Variants in LTBP1 observed in about 807,000 individuals in gnomAD.
The protein encoded by LTBP1 is latent transforming growth factor beta binding protein 1, also known as latent-transforming growth factor beta-binding protein 1.
In LTBP1, 129 loss-of-function variants were observed where a neutral mutation model predicts 207.6. That is an observed-to-expected ratio of 0.62 (90% CI 0.54 to 0.72). LTBP1 has a LOEUF of 0.72. Ranked by LOEUF, LTBP1 falls within the 30% of genes least tolerant of loss-of-function variation. The probability of loss-of-function intolerance (pLI) is 0.00; values close to 1 mark genes in which losing one functional copy is unlikely to be tolerated. For synonymous variants in LTBP1, 963 were observed against 833.7 expected, an observed-to-expected ratio of 1.16 and a Z score of -2.67; for missense variants, 2,281 against 2,217.2, an observed-to-expected ratio of 1.03 and a Z score of -0.58.
intron 5 of LTBP1, among the ~76,000 whole-genome samples, chr2:33,137,679 A>T (rs539523187): frequency 6.6e-6 from 1 of 151,046 alleles, no homozygotes; most frequent in Non-Finnish European, 1.5e-5. Context: ...CAACATTTGC[A>T]TGGTGATTTA....
chr2:33,193,783 T>A (rs1049910389), intron 7 of LTBP1, among the ~76,000 whole-genome samples: 3 of 152,164 alleles, frequency 2.0e-5, no homozygotes, highest in African/African-American at 7.2e-5. Context: ...CACAACCATA[T>A]AAGATGGCAA....
At chr2:33,171,410 G>A (rs1190786560) in intron 5 of LTBP1, among the ~76,000 whole-genome samples, 1 of 147,338 alleles carries the variant, frequency 6.8e-6, no homozygotes, top group Admixed American at 6.9e-5. Context: ...GGGTATCAGT[G>A]ATGGAAGATG....
chr2:33,390,389 T>G (rs2095305072), intron 32 of LTBP1, among the ~76,000 whole-genome samples: 2 of 152,066 alleles, frequency 1.3e-5, no homozygotes, highest in African/African-American at 4.8e-5. Flanking sequence ...TATTAGTAGA[T>G]AGTAGATAGT....
intron 2 of LTBP1, among the ~76,000 whole-genome samples, chr2:33,009,961 T>A (rs436882): frequency 1.1e-4 from 17 of 151,794 alleles, no homozygotes; most frequent in African/African-American, 3.9e-4. Flanking sequence ...GAATTAGATC[T>A]TCAGGAGAAG....
intron 3 of LTBP1, chr2:33,056,303 G>T: frequency 3.6e-6 from 3 of 834,630 alleles, no homozygotes; most frequent in Non-Finnish European, 5.1e-6. Flanking sequence ...AGACAAAACC[G>T]CCTGCAGTTT....
At chr2:33,138,072 C>A (rs1290268189) in intron 5 of LTBP1, among the ~76,000 whole-genome samples, 1 of 152,112 alleles carries the variant, frequency 6.6e-6, no homozygotes, top group Non-Finnish European at 1.5e-5. Flanking sequence ...CAGTGCAGGT[C>A]CTAATAGATA....
At chr2:33,200,122 C>G (rs1056663234) in intron 7 of LTBP1, among the ~76,000 whole-genome samples, 7 of 152,172 alleles carry the variant, frequency 4.6e-5, no homozygotes, top group Non-Finnish European at 1.0e-4. Context: ...TTGGAAAAAA[C>G]TACTCAAAAG....
intron 24 of LTBP1, among the ~76,000 whole-genome samples, chr2:33,339,394 C>G (rs1454330275): frequency 6.6e-6 from 1 of 152,140 alleles, no homozygotes; most frequent in Admixed American, 6.5e-5. Flanking sequence ...GCCCTTAAAT[C>G]CTGTGGTTCA....
At chr2:33,276,836 G>T (rs1333129265) in intron 18 of LTBP1, among the ~76,000 whole-genome samples, 1 of 152,200 alleles carries the variant, frequency 6.6e-6, no homozygotes, top group Non-Finnish European at 1.5e-5. Flanking sequence ...AGGTGACAGA[G>T]AAAAACCTTG....
intron 15 of LTBP1, among the ~76,000 whole-genome samples, chr2:33,267,948 G>T (rs1306796752): frequency 6.6e-6 from 1 of 152,174 alleles, no homozygotes; most frequent in African/African-American, 2.4e-5. Context: ...GAAATACAGG[G>T]CTGACATCTG....
rs189361401 is a variant in LTBP1, at chr2:33,339,722, T to C, written c.3731-3116T>C. ...GTGCAATGGTGTGATCTCGGCCCAC[T>C]GCAACCTCTGTCTCCCAGGTTCAAG... On this transcript the variant is annotated intron_variant, in intron 24 of 33. Coordinates refer to ENST00000404816, the MANE Select transcript of LTBP1 (RefSeq NM_206943.4). Among the ~76,000 whole-genome samples the C allele has an allele frequency of 2.9e-3, 437 of 151,030 alleles. 2 individuals are homozygous for C. Among genetic ancestry groups the C allele is most frequent in the Non-Finnish European group, 4.3e-3 (294 of 67,704 alleles).
intron 31 of LTBP1, among the ~76,000 whole-genome samples, chr2:33,376,130 T>A (rs917541342): frequency 4.6e-5 from 7 of 152,346 alleles, no homozygotes; most frequent in Admixed American, 2.6e-4. Context: ...TAATTAGCTC[T>A]TATAAGTCTA....
At chr2:33,076,958 T>C (rs1248102788) in intron 3 of LTBP1, among the ~76,000 whole-genome samples, 5 of 152,216 alleles carry the variant, frequency 3.3e-5, no homozygotes, top group Admixed American at 6.5e-5. Context: ...ATTTCTCATA[T>C]GTGTTTTGAC....
intron 4 of LTBP1, among the ~76,000 whole-genome samples, chr2:33,126,157 G>T (rs2081420541): frequency 6.6e-6 from 1 of 152,066 alleles, no homozygotes; most frequent in Admixed American, 6.6e-5. Flanking sequence ...ATCCAACAGA[G>T]ACAGACCACG....
chr2:33,396,175 G>T (rs563466382), intron 32 of LTBP1, among the ~76,000 whole-genome samples: 30 of 150,260 alleles, frequency 2.0e-4, no homozygotes, highest in African/African-American at 7.3e-4. Flanking sequence ...TTTTGGTTCT[G>T]TTTTTTTTTG....
intron 13 of LTBP1, among the ~76,000 whole-genome samples, chr2:33,260,777 A>C (rs983119325): frequency 1.3e-5 from 2 of 152,166 alleles, no homozygotes; most frequent in Non-Finnish European, 2.9e-5. Context: ...GTCCTGGTTG[A>C]TGTATGGAAG....
intron 28 of LTBP1, 57 bp downstream of exon 28, chr2:33,361,572 G>A (rs1369116427): frequency 8.2e-7 from 1 of 1,222,976 alleles, no homozygotes; most frequent in Non-Finnish European, 1.2e-6. Flanking sequence ...AGATATTCAA[G>A]TGAAAACATG....
In LTBP1 at chr2:33,398,307, G is replaced by T. The variant is rs76806921; in HGVS notation, c.4985-57G>T. 5,598 of 1,532,000 alleles carry T rather than the reference G, an allele frequency of 3.7e-3. 187 individuals carry two copies. The African/African-American group carries it at 0.069, about 19-fold the overall frequency. 94.9% of individuals were successfully genotyped at this position (1,532,000 alleles called of 1,614,324 possible). On this transcript the variant is annotated intron_variant, in intron 33 of 33. Transcript: ENST00000404816. ...GGGCCTCAGGTAAGCCTCAGGTTAT[G>T]TGTCCTCACAGAATAATATCCAAGA... is the stretch of plus-strand genomic sequence containing the variant.
chr2:33,025,301 A>G (rs922065031), intron 3 of LTBP1, among the ~76,000 whole-genome samples: 2 of 152,216 alleles, frequency 1.3e-5, no homozygotes, highest in African/African-American at 4.8e-5. Flanking sequence ...AAAAATAACC[A>G]TATTTAGGAT....
Sources: allele counts gnomAD v4.1 joint callset (sites outside exome capture counted in the v4.1 genomes callset), GRCh38; gene constraint gnomAD v4.1.1; transcripts MANE v1.5; gene names NCBI Gene and HGNC (gene_info 2026-07-23, HGNC 2026-07-21).